Variants in GUCD1 observed in about 807,000 individuals in gnomAD.
The protein encoded by GUCD1 is guanylyl cyclase domain containing 1, also known as protein GUCD1.
GUCD1 carries 17 observed loss-of-function variants against 28.3 expected under a neutral mutation model. The observed-to-expected ratio is 0.60, with a 90% CI of 0.41 to 0.90. GUCD1 has a LOEUF of 0.90. Among genes scored for constraint, GUCD1 ranks in the 40% least tolerant of loss-of-function variants. The probability of loss-of-function intolerance (pLI) is 0.00; values close to 1 mark genes in which losing one functional copy is unlikely to be tolerated. For missense variants in GUCD1, 279 were observed against 305.5 expected, an observed-to-expected ratio of 0.91 and a Z score of 0.65; for synonymous variants, 129 against 123.3, an observed-to-expected ratio of 1.05 and a Z score of -0.30.
intron 1 of GUCD1, among the ~76,000 whole-genome samples, chr22:24,551,322 C>T (rs1470988317): frequency 6.6e-6 from 1 of 152,216 alleles, no homozygotes; most frequent in Non-Finnish European, 1.5e-5. Flanking sequence ...CTATCACTGC[C>T]AAGGATTCAG....
chr22:24,555,117 G>T lies in GUCD1; in HGVS notation c.-126C>A, dbSNP rs1352537959. 1 of 1,317,908 alleles carries T rather than the reference G, an allele frequency of 7.6e-7. No homozygotes were observed. The highest frequency in any genetic ancestry group is 9.7e-7 in the Non-Finnish European group (1 of 1,034,218). 81.6% of individuals were successfully genotyped at this position (1,317,908 alleles called of 1,614,324 possible). On this transcript the variant is annotated 5_prime_UTR_variant, in exon 1 of 6. Transcript: ENST00000435822. Reference sequence around the variant, plus strand: ...CTCCGCCACCGCCGCCGCTGCGGAGGAGAGAACGGGAGGCGGCGGCTGGGC... The same window carrying T: ...CTCCGCCACCGCCGCCGCTGCGGAGTAGAGAACGGGAGGCGGCGGCTGGGC...
At chr22:24,547,081 G>A in intron 3 of GUCD1, 76 bp from the exon 4 acceptor site, 2 of 1,161,368 alleles carry the variant, frequency 1.7e-6, no homozygotes, top group South Asian at 1.2e-5. Flanking sequence ...GAAATAAAGA[G>A]CGTGTTACAG....
At position 24,541,745 on chromosome 22, in the gene GUCD1, CTGCCTCGTCTGA is replaced by C. The variant is rs2044598536; in HGVS notation, c.*1249_*1260del. ...AAGACTGGGCCAGCTGCCTCGTCAGCTGCCTCGTCTGAGAGGTGAAGGGGCAGGTACTTAAAC... is the reference window on the plus strand; with the variant it reads ...AAGACTGGGCCAGCTGCCTCGTCAGCGAGGTGAAGGGGCAGGTACTTAAAC... On this transcript the variant is annotated 3_prime_UTR_variant, in exon 6 of 6. Transcript: ENST00000435822. 2 of 152,198 alleles carry C rather than the reference CTGCCTCGTCTGA, an allele frequency of 1.3e-5. No homozygotes were observed. The highest frequency in any genetic ancestry group is 6.5e-5 in the Admixed American group (1 of 15,276). The allele number at this position is 152,198 out of a possible 1,614,324, so 9.4% of individuals were successfully genotyped here. A position where few individuals can be genotyped will look rare whatever the true frequency, so the allele number is the denominator to read the frequency against.
chr22:24,545,220 G>A (rs1043738321), intron 4 of GUCD1, among the ~76,000 whole-genome samples: 5 of 152,052 alleles, frequency 3.3e-5, no homozygotes, highest in African/African-American at 1.2e-4. Flanking sequence ...TGAGTCACGT[G>A]GCAGTTTGGA....
chr22:24,547,748 C>T, intron 3 of GUCD1, 160 bp downstream of exon 3: 1 of 715,274 alleles, frequency 1.4e-6, no homozygotes. Flanking sequence ...CTCCCAAATC[C>T]TGCCTATAGC....
upstream of GUCD1, chr22:24,555,781 T>C: frequency 1.9e-6 from 3 of 1,550,090 alleles, no homozygotes; most frequent in Non-Finnish European, 2.6e-6. Flanking sequence ...CTCTGGCTCT[T>C]TGCCGGCCCC....
chr22:24,549,808 T>C (rs1008054057), intron 1 of GUCD1, among the ~76,000 whole-genome samples: 2 of 152,136 alleles, frequency 1.3e-5, no homozygotes, highest in African/African-American at 4.8e-5. Context: ...GCGTGAGCCA[T>C]TCCGCCTGGC....
chr22:24,544,099 G>T lies in GUCD1; in HGVS notation c.387-16C>A, dbSNP rs758229407. On this transcript the variant is annotated splice_polypyrimidine_tract_variant and intron_variant, in intron 4 of 5. Transcript: ENST00000435822. ...ACTCACTGTGCTGTGGGCGGGAGGG[G>T]GGTCAGCTGGTGCTGCTGGGCCCCC... 1 of 1,602,942 alleles carries T rather than the reference G, an allele frequency of 6.2e-7. No homozygotes were observed. Among genetic ancestry groups the T allele is most frequent in the Non-Finnish European group, 8.5e-7 (1 of 1,171,668 alleles).
In GUCD1 at chr22:24,541,251, G is replaced by A. The variant is rs1442820921; in HGVS notation, c.*1755C>T. On this transcript the variant is annotated 3_prime_UTR_variant, in exon 6 of 6. Coordinates refer to ENST00000435822, the MANE Select transcript of GUCD1 (RefSeq NM_001284254.2). ...AACAGAGCCCACCTCTGCCCCCAGA[G>A]TCATCTGTGCTCCAAAGCAATGGGC... The A allele has an allele frequency of 2.0e-5, 3 of 153,676 alleles. No individual in the cohort carries two copies. Among genetic ancestry groups the A allele is most frequent in the African/African-American group, 7.2e-5 (3 of 41,480 alleles). 9.5% of individuals were successfully genotyped at this position (153,676 alleles called of 1,614,324 possible). A position where few individuals can be genotyped will look rare whatever the true frequency, so the allele number is the denominator to read the frequency against.
intron 5 of GUCD1, 85 bp from the exon 6 acceptor site, chr22:24,543,182 G>A (rs776106975): frequency 6.9e-5 from 67 of 971,360 alleles, no homozygotes; most frequent in Non-Finnish European, 1.1e-4. Context: ...GGGGAGCTGA[G>A]TGAGGTCTGT....
chr22:24,548,216 G>T, intron 2 of GUCD1, 143 bp from the exon 3 acceptor site: 1 of 685,604 alleles, frequency 1.5e-6, no homozygotes, highest in East Asian at 2.7e-5. Context: ...CCTAGGTCCT[G>T]CCCACACACT....
chr22:24,555,606 C>T (rs1459358057), upstream of GUCD1: 4 of 1,550,124 alleles, frequency 2.6e-6, no homozygotes, highest in South Asian at 2.4e-5. Flanking sequence ...CACTCAGGGC[C>T]CCCCTTACCT....
At position 24,543,117 on chromosome 22, in the gene GUCD1, C is replaced by T. The variant is rs761005870; in HGVS notation, c.629-20G>A. ...ACATTCCTGCTGGGGGTGGGGAAGG[C>T]AGAACGGGGTCAGTGGGTTGTGAGA... On this transcript the variant is annotated intron_variant, in intron 5 of 5. Coordinates refer to ENST00000435822, the MANE Select transcript of GUCD1 (RefSeq NM_001284254.2). 1.9e-6 allele frequency: 3 copies of T among 1,592,280 alleles called. No individual in the cohort carries two copies. Among genetic ancestry groups the T allele is most frequent in the Non-Finnish European group, 2.6e-6 (3 of 1,160,406 alleles).
At chr22:24,547,776 C>CTGGT (rs2044764822) in intron 3 of GUCD1, 132 bp downstream of exon 3, 1 of 911,884 alleles carries the variant, frequency 1.1e-6, no homozygotes, top group Non-Finnish European at 1.7e-6. Flanking sequence ...CTGCTGCTCC[C>CTGGT]TGGTCTCTGC....
intron 5 of GUCD1, 101 bp from the exon 6 acceptor site, chr22:24,543,198 A>G (rs897139170): frequency 4.8e-6 from 4 of 826,406 alleles, no homozygotes; most frequent in Non-Finnish European, 6.2e-6. Flanking sequence ...TCTGTTTCCC[A>G]TCCACATGGC....
chr22:24,550,592 C>T (rs2044846078), intron 1 of GUCD1, among the ~76,000 whole-genome samples: 1 of 152,262 alleles, frequency 6.6e-6, no homozygotes, highest in Admixed American at 6.5e-5. Flanking sequence ...CTCTCCTGGA[C>T]TGTGTGACCA....
chr22:24,552,733 G>A (rs1035273521), intron 1 of GUCD1, among the ~76,000 whole-genome samples: 1 of 150,466 alleles, frequency 6.6e-6, no homozygotes, highest in African/African-American at 2.5e-5. Flanking sequence ...TTACGCCACT[G>A]CACTACAGCC....
At chr22:24,554,151 C>G (rs562281341) in intron 1 of GUCD1, among the ~76,000 whole-genome samples, 6 of 152,336 alleles carry the variant, frequency 3.9e-5, no homozygotes, top group African/African-American at 1.4e-4. Flanking sequence ...AACAACTGCA[C>G]GCAGCGCGCG....
At chr22:24,555,544 G>A, upstream of GUCD1, 4 of 1,492,840 alleles carry the variant, frequency 2.7e-6, no homozygotes, top group Non-Finnish European at 2.7e-6. Flanking sequence ...AACCCTGAGC[G>A]GGCAGCCGCT....
Sources: gnomAD v4.1 joint callset for allele counts (sites outside exome capture counted in the v4.1 genomes callset) on GRCh38, gnomAD v4.1.1 for gene constraint, MANE v1.5 for transcripts, NCBI Gene and HGNC (gene_info 2026-07-23, HGNC 2026-07-21) for gene names.